THG1L: variants seen among roughly 807,000 people sequenced by gnomAD.
THG1L encodes the protein tRNA-histidine guanylyltransferase 1 like.
Under a neutral mutation model 35.2 loss-of-function variants are expected in THG1L, and 27 were observed. The ratio of observed to expected loss-of-function variants is 0.77; its 90% CI spans 0.57 to 1.06. THG1L has a LOEUF of 1.06. THG1L is among the 50% of genes least tolerant of loss of function. THG1L has a pLI of 0.00. For synonymous variants in THG1L, 135 were observed against 132.4 expected, an observed-to-expected ratio of 1.02 and a Z score of -0.14; for missense variants, 377 against 371.8, an observed-to-expected ratio of 1.01 and a Z score of -0.12.
chr5:157,733,650 C>T (rs992404117), intron 2 of THG1L, among the ~76,000 whole-genome samples: 5 of 150,314 alleles, frequency 3.3e-5, no homozygotes, highest in Admixed American at 6.6e-5. Flanking sequence ...ATTTTTTTTA[C>T]AACAATGGTT....
chr5:157,733,117 C>A, intron 2 of THG1L, 73 bp downstream of exon 2: 2 of 1,545,328 alleles, frequency 1.3e-6, no homozygotes, highest in Non-Finnish European at 8.9e-7. Flanking sequence ...ATCTTAATCG[C>A]AGACTTACAG....
At chr5:157,738,057 A>G (rs1760929902) in intron 5 of THG1L, 63 bp downstream of exon 5, 1 of 1,320,364 alleles carries the variant, frequency 7.6e-7, no homozygotes, top group African/African-American at 1.5e-5. Flanking sequence ...TGCCCATTCC[A>G]AGCTGTGCCC....
At position 157,737,908 on chromosome 5, in the gene THG1L, A is replaced by G; in HGVS notation, c.649A>G (p.Asn217Asp). The change falls in exon 5 of 6, where the codon AAT becomes GAT. Residue 217 changes from asparagine to aspartate, a missense_variant. Asn to Asp is a conservative substitution (Grantham distance 23, BLOSUM62 1). Coordinates refer to ENST00000231198, the MANE Select transcript of THG1L (RefSeq NM_017872.5). ...TCAGGGAACTCTTGCAGCAGACAAG[A>G]ATGAGATTTTGTTTTCTGAATTCAA... ...RLQGTLAADK[N>D]EILFSEFNIN... The G allele has an allele frequency of 2.5e-6, 4 of 1,613,134 alleles. No individual in the cohort carries two copies. The highest frequency in any genetic ancestry group is 3.4e-6 in the Non-Finnish European group (4 of 1,179,700).
Position 157,734,560 on chromosome 5 carries a change from G to A in THG1L, c.369-16G>A, listed in dbSNP as rs1378342854. 3.7e-6 allele frequency: 6 copies of A among 1,613,522 alleles called. No individual in the cohort carries two copies. The highest frequency in any genetic ancestry group is 5.1e-6 in the Non-Finnish European group (6 of 1,179,644). On this transcript the variant is annotated splice_polypyrimidine_tract_variant and intron_variant, in intron 2 of 5. Transcript: ENST00000231198. ...TTCTTTTTCTTACTCCACCCAATGT[G>A]CGTTACATTTTCAAGTAAGTTCATG...
At chr5:157,732,834 C>A (rs1347278492) in intron 1 of THG1L, 34 bp from the exon 2 acceptor site, 1 of 1,612,534 alleles carries the variant, frequency 6.2e-7, no homozygotes, top group Non-Finnish European at 8.5e-7. Context: ...GACAGGCTTC[C>A]ATCCATGCTT....
intron 4 of THG1L, among the ~76,000 whole-genome samples, chr5:157,737,304 C>T (rs1760912855): frequency 6.6e-6 from 1 of 152,064 alleles, no homozygotes; most frequent in Admixed American, 6.5e-5. Flanking sequence ...CCAGCCTGGC[C>T]AACATGGTGA....
chr5:157,731,763 A>G, intron 1 of THG1L, 132 bp downstream of exon 1: 1 of 1,165,546 alleles, frequency 8.6e-7, no homozygotes, highest in Non-Finnish European at 1.2e-6. Context: ...AGTGCGCAGC[A>G]TGGAGCATTG....
At chr5:157,738,683 A>C in intron 5 of THG1L, 1 of 428,384 alleles carries the variant, frequency 2.3e-6, no homozygotes. Flanking sequence ...TGAGTTGTTC[A>C]AAACATTTAT....
intron 4 of THG1L, 88 bp from the exon 5 acceptor site, chr5:157,737,799 G>A (rs1237757971): frequency 4.0e-6 from 4 of 1,010,558 alleles, no homozygotes; most frequent in Non-Finnish European, 5.8e-6. Context: ...CTTGATTGTG[G>A]AAATTTAGGT....
At chr5:157,735,560 A>G (rs1003216658) in intron 3 of THG1L, among the ~76,000 whole-genome samples, 3 of 152,256 alleles carry the variant, frequency 2.0e-5, no homozygotes, top group African/African-American at 7.2e-5. Flanking sequence ...GAAATAATAT[A>G]AATCAAATAA....
At position 157,734,646 on chromosome 5, in the gene THG1L, G is replaced by A. The variant is rs1442601637; in HGVS notation, c.439G>A (p.Asp147Asn). The change falls in exon 3 of 6, where the codon GAC (aspartate) becomes AAC (asparagine). Residue 147 changes from aspartate (D) to asparagine (N), a missense_variant. Coordinates refer to ENST00000231198, the MANE Select transcript of THG1L (RefSeq NM_017872.5). ...YVFYWRDYFE[D>N]QPLLYPPGFD... ...GTTTTATTGGCGGGATTACTTTGAGGACCAGCCCCTTCTGTATCCCCCAGG... is the reference window on the plus strand; with the variant it reads ...GTTTTATTGGCGGGATTACTTTGAGAACCAGCCCCTTCTGTATCCCCCAGG... 6.2e-7 allele frequency: 1 copy of A among 1,614,070 alleles called. No individual in the cohort carries two copies. Among genetic ancestry groups the A allele is most frequent in the East Asian group, 2.2e-5 (1 of 44,874 alleles).
In THG1L at chr5:157,739,440, T is replaced by A. The variant is rs962935998; in HGVS notation, c.855T>A (p.Ala285=). The A allele has an allele frequency of 6.2e-7, 1 of 1,613,726 alleles. No individual in the cohort carries two copies. Among genetic ancestry groups the A allele is most frequent in the Non-Finnish European group, 8.5e-7 (1 of 1,179,796 alleles). ...TGCACTGCGATATCATCGGGGATGC[T>A]TTCTGGAAGGAACATCCAGAGATTC... The part of the protein sequence containing the change: ...VPLHCDIIGD[A]FWKEHPEILD... The change falls in exon 6 of 6, where the codon GCT becomes GCA. Residue 285 remains alanine (A), a synonymous_variant. Transcript: ENST00000231198.
At chr5:157,738,631 G>A in intron 5 of THG1L, 1 of 431,810 alleles carries the variant, frequency 2.3e-6, no homozygotes, top group Non-Finnish European at 4.5e-6. Flanking sequence ...GTACCAAGGA[G>A]TACCTTGAGA....
intron 5 of THG1L, chr5:157,738,501 C>A: frequency 2.8e-6 from 1 of 360,820 alleles, no homozygotes. Context: ...TTACCTATAT[C>A]CTTAATTTTA....
chr5:157,735,956 A>G lies in THG1L; in HGVS notation c.627+22A>G, dbSNP rs146172278. 1.1e-4 allele frequency: 166 copies of G among 1,498,660 alleles called. No individual in the cohort carries two copies. In the African/African-American group the frequency reaches 2.1e-3, roughly 19 times the overall value. 92.8% of individuals were successfully genotyped at this position (1,498,660 alleles called of 1,614,324 possible). ...ACAGGTATAAAGATCTTACTACATTAATACTTAACTGGGGACAGTTCGCTG... is the reference window on the plus strand; with the variant it reads ...ACAGGTATAAAGATCTTACTACATTGATACTTAACTGGGGACAGTTCGCTG... On this transcript the variant is annotated intron_variant, in intron 4 of 5. Transcript: ENST00000231198.
At position 157,734,632 on chromosome 5, in the gene THG1L, G is replaced by A. The variant is rs764554833; in HGVS notation, c.425G>A (p.Arg142Gln). 42 of 1,613,944 alleles carry A rather than the reference G, an allele frequency of 2.6e-5. No homozygotes were observed. Among genetic ancestry groups the A allele is most frequent in the Admixed American group, 8.3e-5 (5 of 59,980 alleles). Reference protein sequence around the residue: ...QFASSYVFYWRDYFEDQPLLY... With the variant: ...QFASSYVFYWQDYFEDQPLLY... ...GCCTCCAGCTATGTGTTTTATTGGC[G>A]GGATTACTTTGAGGACCAGCCCCTT... The change falls in exon 3 of 6, where the codon CGG (arginine) becomes CAG (glutamine). Residue 142 changes from arginine to glutamine, a missense_variant. Transcript: ENST00000231198.
chr5:157,738,157 T>C (rs569476589), intron 5 of THG1L, among the ~76,000 whole-genome samples, 163 bp downstream of exon 5: 88 of 152,326 alleles, frequency 5.8e-4, no homozygotes, highest in Non-Finnish European at 8.8e-5. Context: ...TTAATGTGCA[T>C]TTTGTCAGTA....
Position 157,731,451 on chromosome 5 carries a change from CCTGT to C in THG1L, c.12_15del (p.Cys5LysfsTer15). ...CTTTCCGCGTGTAGAATGTGGGGCG[CCTGT>C]AAAGTTAAGGTTCACGATTCCTTGG... is the stretch of plus-strand genomic sequence containing the variant. On this transcript the variant is annotated frameshift_variant, in exon 1 of 6. Coordinates refer to ENST00000231198, the MANE Select transcript of THG1L (RefSeq NM_017872.5). LOFTEE classifies it high-confidence loss of function. The C allele has an allele frequency of 6.2e-7, 1 of 1,600,036 alleles. No individual in the cohort carries two copies.
chr5:157,739,155 AC>A (rs1207651676), intron 5 of THG1L, among the ~76,000 whole-genome samples, 165 bp from the exon 6 acceptor site: 1 of 152,088 alleles, frequency 6.6e-6, no homozygotes, highest in African/African-American at 2.4e-5. Flanking sequence ...ATATATACAC[AC>A]ATACATATAT....
Sources: gnomAD v4.1 joint callset for allele counts (sites outside exome capture counted in the v4.1 genomes callset) on GRCh38, gnomAD v4.1.1 for gene constraint, MANE v1.5 for transcripts, NCBI Gene and HGNC (gene_info 2026-07-23, HGNC 2026-07-21) for gene names.